Variants in MAPRE2 observed in about 807,000 individuals in gnomAD.
MAPRE2 encodes the protein microtubule associated protein RP/EB family member 2, also known as microtubule-associated protein RP/EB family member 2.
MAPRE2 carries 13 observed loss-of-function variants against 43.2 expected under a neutral mutation model. The observed-to-expected ratio is 0.30, with a 90% confidence interval of 0.20 to 0.48. MAPRE2 has a LOEUF of 0.48. Ranked by LOEUF, MAPRE2 falls within the 20% of genes least tolerant of loss-of-function variation. The pLI is 0.99. For synonymous variants in MAPRE2, 135 were observed against 148.8 expected (o/e 0.91, Z 0.68); for missense variants, 161 against 400.2 (o/e 0.40, Z 5.10).
At chr18:35,087,756 G>A (rs1489896253) in intron 2 of MAPRE2, among the ~76,000 whole-genome samples, 3 of 152,128 alleles carry the variant, frequency 2.0e-5, no homozygotes, top group East Asian at 1.9e-4. Context: ...ATATTGCAGC[G>A]AGGGAAAAAA....
chr18:35,104,791 C>G (rs1270090195), intron 4 of MAPRE2, among the ~76,000 whole-genome samples: 4 of 151,928 alleles, frequency 2.6e-5, no homozygotes, highest in Admixed American at 6.6e-5. Flanking sequence ...GATGTTGTGC[C>G]CTCTCCAAAG....
intron 6 of MAPRE2, among the ~76,000 whole-genome samples, chr18:35,134,815 A>C (rs1910317494): frequency 6.6e-6 from 1 of 152,252 alleles, no homozygotes; most frequent in South Asian, 2.1e-4. Context: ...GAGCATCCAC[A>C]AAGAACTTCA....
intron 2 of MAPRE2, among the ~76,000 whole-genome samples, chr18:35,009,433 A>C (rs1463195354): frequency 6.6e-6 from 1 of 152,240 alleles, no homozygotes; most frequent in Non-Finnish European, 1.5e-5. Context: ...TAAGCAGGCT[A>C]GCTTGCCTGG....
chr18:35,004,087 G>C (rs1446584153), intron 1 of MAPRE2, among the ~76,000 whole-genome samples: 1 of 151,994 alleles, frequency 6.6e-6, no homozygotes, highest in Non-Finnish European at 1.5e-5. Flanking sequence ...CAATTCAGTT[G>C]TCACCTTTAC....
chr18:35,100,599 G>T (rs1212634985), intron 3 of MAPRE2, among the ~76,000 whole-genome samples: 4 of 152,126 alleles, frequency 2.6e-5, no homozygotes, highest in African/African-American at 9.7e-5. Flanking sequence ...TAAAGAAAAT[G>T]TGACACATAT....
At chr18:35,090,050 A>G (rs28845240) in intron 2 of MAPRE2, among the ~76,000 whole-genome samples, 4,393 of 152,298 alleles carry the variant, frequency 0.029, 203 homozygotes, top group African/African-American at 0.1. Flanking sequence ...CACATGTTAT[A>G]TGATTCTATT....
At chr18:34,997,108 T>G (rs1417217221) in intron 1 of MAPRE2, among the ~76,000 whole-genome samples, 2 of 152,206 alleles carry the variant, frequency 1.3e-5, no homozygotes, top group African/African-American at 4.8e-5. Flanking sequence ...TATCCCTTAT[T>G]CATTTTTGTA....
chr18:35,075,116 A>G (rs1907284741), intron 2 of MAPRE2, among the ~76,000 whole-genome samples: 1 of 152,154 alleles, frequency 6.6e-6, no homozygotes, highest in African/African-American at 2.4e-5. Flanking sequence ...AATTTGGCTA[A>G]TGATATTGTA....
At chr18:34,984,888 T>C (rs1393293658) in intron 1 of MAPRE2, among the ~76,000 whole-genome samples, 22 of 78,496 alleles carry the variant, frequency 2.8e-4, no homozygotes, top group East Asian at 1.9e-3. Flanking sequence ...TGTTATATAA[T>C]ATATAATATA....
At chr18:35,072,794 G>A (rs778613309) in intron 2 of MAPRE2, among the ~76,000 whole-genome samples, 22 of 152,130 alleles carry the variant, frequency 1.4e-4, no homozygotes, top group Non-Finnish European at 2.8e-4. Flanking sequence ...AAAACCTGTA[G>A]AAGCAATTTT....
At chr18:35,004,702 G>T (rs1418093388) in intron 1 of MAPRE2, among the ~76,000 whole-genome samples, 2 of 152,340 alleles carry the variant, frequency 1.3e-5, no homozygotes, top group East Asian at 3.9e-4. Flanking sequence ...CGGATCGCGA[G>T]GTCAGGAGAT....
upstream of MAPRE2, chr18:35,041,335 A>C: frequency 7.0e-7 from 1 of 1,432,508 alleles, no homozygotes; most frequent in Non-Finnish European, 9.1e-7. Context: ...CCACGTGACC[A>C]GGGTGCTGCT....
chr18:35,079,751 T>A (rs1054587784), intron 2 of MAPRE2, among the ~76,000 whole-genome samples: 2 of 152,220 alleles, frequency 1.3e-5, no homozygotes, highest in African/African-American at 4.8e-5. Context: ...TCCAGTATAG[T>A]GAAACAATTT....
intron 3 of MAPRE2, among the ~76,000 whole-genome samples, chr18:35,101,684 C>A (rs928728816): frequency 6.6e-6 from 1 of 152,142 alleles, no homozygotes; most frequent in African/African-American, 2.4e-5. Context: ...ATAATGATCT[C>A]CAGTTTCATC....
intron 6 of MAPRE2, among the ~76,000 whole-genome samples, chr18:35,136,057 C>T (rs987372413): frequency 6.6e-6 from 1 of 152,162 alleles, no homozygotes; most frequent in South Asian, 2.1e-4. Flanking sequence ...TTTAAGCCAT[C>T]CCAGAATATG....
intron 1 of MAPRE2, 52 bp downstream of exon 1, chr18:35,041,713 G>T: frequency 6.2e-7 from 1 of 1,613,124 alleles, no homozygotes; most frequent in Non-Finnish European, 8.5e-7. Flanking sequence ...AGGGCGCGCG[G>T]AAATCCAGCC....
At chr18:35,031,373 A>T (rs1014935978) in intron 2 of MAPRE2, among the ~76,000 whole-genome samples, 2 of 152,212 alleles carry the variant, frequency 1.3e-5, no homozygotes, top group Admixed American at 1.3e-4. Context: ...CTATATTCCT[A>T]ATACTTAATA....
chr18:34,982,689 C>T (rs1190432991), intron 1 of MAPRE2, among the ~76,000 whole-genome samples: 2 of 152,112 alleles, frequency 1.3e-5, no homozygotes, highest in Non-Finnish European at 2.9e-5. Context: ...AAATTTGCTT[C>T]CAATAAACCT....
chr18:35,060,240 A>C (rs1364232127), intron 1 of MAPRE2, among the ~76,000 whole-genome samples: 1 of 152,120 alleles, frequency 6.6e-6, no homozygotes, highest in African/African-American at 2.4e-5. Flanking sequence ...AGGGCTGGGA[A>C]AGTAAACAGA....
Sources: allele counts gnomAD v4.1 joint callset (sites outside exome capture counted in the v4.1 genomes callset), GRCh38; gene constraint gnomAD v4.1.1; transcripts MANE v1.5; gene names NCBI Gene and HGNC (gene_info 2026-07-23, HGNC 2026-07-21).